EPB41L1: variants seen among roughly 807,000 people sequenced by gnomAD.
EPB41L1 encodes the protein band 4.1-like protein 1.
In EPB41L1, 29 loss-of-function variants were observed where a neutral mutation model predicts 97.8. That is an observed-to-expected ratio of 0.30 (90% CI 0.22 to 0.40). The LOEUF is 0.40. Ranked by LOEUF, EPB41L1 falls within the 10% of genes least tolerant of loss-of-function variation. The probability of loss-of-function intolerance (pLI) is 1.00; values close to 1 mark genes in which losing one functional copy is unlikely to be tolerated. For missense variants in EPB41L1, 812 were observed against 1,162.3 expected (o/e 0.70, Z 4.38); for synonymous variants, 383 against 459.2 (o/e 0.83, Z 2.12).
At chr20:36,217,396 G>A (rs1013801964) in intron 17 of EPB41L1, among the ~76,000 whole-genome samples, 28 of 152,170 alleles carry the variant, frequency 1.8e-4, no homozygotes, top group Middle Eastern at 6.3e-3. Context: ...AGAGGGCTGA[G>A]TTTGCCTTGG....
chr20:36,184,041 T>G (rs1569236973), intron 6 of EPB41L1, among the ~76,000 whole-genome samples: 1 of 151,980 alleles, frequency 6.6e-6, no homozygotes, highest in Non-Finnish European at 1.5e-5. Context: ...TTGAGACCAG[T>G]CTGGGCAACG....
Position 36,190,439 on chromosome 20 carries a change from G to A in EPB41L1, c.1124+65G>A, listed in dbSNP as rs1376441240. The A allele has an allele frequency of 3.2e-6, 5 of 1,571,986 alleles. No homozygotes were observed. Among genetic ancestry groups the A allele is most frequent in the Non-Finnish European group, 4.4e-6 (5 of 1,148,340 alleles). ...AGGCCATGTGTATGGAGGGGAGCAG[G>A]GGGAGGAGTTAGTGAGAACTCTAGG... On this transcript the variant is annotated intron_variant, in intron 10 of 21. Transcript: ENST00000338074. The surrounding 1 kb of genome is among the most constrained non-coding windows in gnomAD (Gnocchi z 5.8).
intron 3 of EPB41L1, among the ~76,000 whole-genome samples, chr20:36,177,280 G>T (rs184504039): frequency 6.6e-6 from 1 of 152,316 alleles, no homozygotes; most frequent in East Asian, 1.9e-4. Context: ...GGAGTGCCCA[G>T]TCGGGTTCTC....
chr20:36,149,168 C>A (rs935078347), intron 2 of EPB41L1, among the ~76,000 whole-genome samples: 1 of 152,190 alleles, frequency 6.6e-6, no homozygotes, highest in African/African-American at 2.4e-5. Flanking sequence ...ACAGATGGGG[C>A]AACTGAGGCT....
intron 2 of EPB41L1, among the ~76,000 whole-genome samples, chr20:36,143,272 C>T (rs1423803030): frequency 3.3e-5 from 5 of 151,722 alleles, no homozygotes; most frequent in Non-Finnish European, 5.9e-5. Flanking sequence ...AGACCAGGCT[C>T]GCTCTTTTCT....
At chr20:36,136,343 T>G (rs1195749162) in intron 2 of EPB41L1, among the ~76,000 whole-genome samples, 32 of 149,334 alleles carry the variant, frequency 2.1e-4, no homozygotes, top group Admixed American at 2.1e-3. Context: ...GCTAAGTTTT[T>G]TTTTTTTTTT....
intron 2 of EPB41L1, among the ~76,000 whole-genome samples, chr20:36,139,889 G>C (rs1002918307): frequency 6.6e-6 from 1 of 151,730 alleles, no homozygotes; most frequent in African/African-American, 2.4e-5. Context: ...GTGCCACCAT[G>C]CCTGGCTAAT....
intron 2 of EPB41L1, among the ~76,000 whole-genome samples, chr20:36,133,711 T>C (rs2059307889): frequency 6.6e-6 from 1 of 151,988 alleles, no homozygotes; most frequent in African/African-American, 2.4e-5. Context: ...AAAAATTACC[T>C]GGGCGTGGTG....
In EPB41L1 at chr20:36,206,264, A is replaced by T. The variant is rs1185313694; in HGVS notation, c.1669-3224A>T. The T allele has an allele frequency of 7.8e-7, 1 of 1,289,774 alleles. No individual in the cohort carries two copies. The highest frequency in any genetic ancestry group is 5.5e-5 in the East Asian group (1 of 18,028). 79.9% of individuals were successfully genotyped at this position (1,289,774 alleles called of 1,614,324 possible). ...CGCTGCATGTCAGATGGTCAGCCGG[A>T]GGGCCAGACAGAGCTGAGGAAGGGG... is the stretch of plus-strand genomic sequence containing the variant. On this transcript the variant is annotated intron_variant, in intron 14 of 21. Transcript: ENST00000338074. This position sits in a 1 kb window ranked among gnomAD's most constrained non-coding sequence, Gnocchi z 5.5.
intron 13 of EPB41L1, among the ~76,000 whole-genome samples, chr20:36,197,398 A>G (rs1423472078): frequency 3.3e-5 from 5 of 152,206 alleles, no homozygotes; most frequent in Non-Finnish European, 7.3e-5. Flanking sequence ...TCTAGGAGGC[A>G]CCTGAATGAG....
At chr20:36,188,234 G>A (rs1343923824) in intron 8 of EPB41L1, 113 bp from the exon 9 acceptor site, 10 of 1,447,694 alleles carry the variant, frequency 6.9e-6, no homozygotes, top group Non-Finnish European at 9.7e-6. Flanking sequence ...CTCTAACCCT[G>A]TTCCTGAGAG....
chr20:36,185,604 T>A (rs2061651303), intron 7 of EPB41L1, among the ~76,000 whole-genome samples: 1 of 152,206 alleles, frequency 6.6e-6, no homozygotes, highest in South Asian at 2.1e-4. Context: ...TGAGAATAAG[T>A]TTATCTGCCA....
intron 1 of EPB41L1, among the ~76,000 whole-genome samples, chr20:36,109,483 T>C (rs1415563310): frequency 6.6e-6 from 1 of 152,258 alleles, no homozygotes; most frequent in East Asian, 1.9e-4. Context: ...TGGTGATTGC[T>C]ACTACTGTTA....
At position 36,218,894 on chromosome 20, in the gene EPB41L1, G is replaced by T; in HGVS notation, c.2287G>T (p.Gly763Trp). 6.2e-7 allele frequency: 1 copy of T among 1,614,130 alleles called. No individual in the cohort carries two copies. The highest frequency in any genetic ancestry group is 8.5e-7 in the Non-Finnish European group (1 of 1,180,030). Residue 763 changes from glycine (G) to tryptophan (W), a missense_variant, in exon 18 of 22, where the codon GGG (glycine) becomes TGG (tryptophan). Gly to Trp is a radical substitution (Grantham distance 184). Around this residue, in one of 3 missense-constraint regions of EPB41L1, gnomAD observed 498 missense variants for 622.7 expected, o/e 0.80. Coordinates refer to ENST00000338074, the MANE Select transcript of EPB41L1 (RefSeq NM_012156.2). Reference sequence around the variant, plus strand: ...TCCCCAGGAGAACAGTCTCAAGTCCGGGAAGGGGGCAGCTGCCATGATCCC... The same window carrying T: ...TCCCCAGGAGAACAGTCTCAAGTCCTGGAAGGGGGCAGCTGCCATGATCCC... ...STTMENSLKSGKGAAAMIPGP... is the reference protein window; with the variant it reads ...STTMENSLKSWKGAAAMIPGP...
At chr20:36,154,548 G>A (rs1042518111), upstream of EPB41L1, among the ~76,000 whole-genome samples, 6 of 150,656 alleles carry the variant, frequency 4.0e-5, no homozygotes, top group African/African-American at 1.5e-4. The surrounding 1 kb of genome is among the most constrained non-coding windows in gnomAD (Gnocchi z 5.5). Flanking sequence ...GACAGGCAGA[G>A]AGGAGGCGGA....
At chr20:36,191,128 G>C (rs1269041729) in intron 11 of EPB41L1, among the ~76,000 whole-genome samples, 1 of 151,858 alleles carries the variant, frequency 6.6e-6, no homozygotes, top group African/African-American at 2.4e-5. Flanking sequence ...TCTAACCTGT[G>C]GTCTAACCTT....
At chr20:36,095,882 C>T (rs899005200) in intron 1 of EPB41L1, among the ~76,000 whole-genome samples, 17 of 151,980 alleles carry the variant, frequency 1.1e-4, no homozygotes, top group African/African-American at 3.1e-4. Flanking sequence ...AAAATTTAGC[C>T]GGGCATGGTG....
At chr20:36,210,898 C>T (rs1357840596) in intron 15 of EPB41L1, among the ~76,000 whole-genome samples, 1 of 152,146 alleles carries the variant, frequency 6.6e-6, no homozygotes, top group African/African-American at 2.4e-5. Flanking sequence ...AGGGTTGCAA[C>T]CATCTATAAG....
chr20:36,188,394 G>A lies in EPB41L1; in HGVS notation c.921G>A (p.Leu307=). ...DIMLGVCANG[L]LIYRDRLRIN... ...TGTTAGGCGTTTGTGCCAATGGCCT[G>A]CTCATCTACCGGGACCGGCTGAGAA... is the stretch of plus-strand genomic sequence containing the variant. The change falls in exon 9 of 22, where the codon CTG becomes CTA. Residue 307 remains leucine, a synonymous_variant. Coordinates refer to ENST00000338074, the MANE Select transcript of EPB41L1 (RefSeq NM_012156.2). The A allele has an allele frequency of 6.2e-7, 1 of 1,614,004 alleles. No homozygotes were observed. The highest frequency in any genetic ancestry group is 8.5e-7 in the Non-Finnish European group (1 of 1,180,020).
Sources: allele counts gnomAD v4.1 joint callset (sites outside exome capture counted in the v4.1 genomes callset), GRCh38; gene constraint gnomAD v4.1.1; regional missense constraint gnomAD v4.1.1; non-coding constraint Gnocchi (gnomAD v3.1); transcripts MANE v1.5; gene names NCBI Gene and HGNC (gene_info 2026-07-23, HGNC 2026-07-21).